Variants in TRDN observed in about 807,000 individuals in gnomAD.
TRDN encodes the protein triadin.
TRDN carries 161 observed loss-of-function variants against 149.7 expected under a neutral mutation model. The observed-to-expected ratio is 1.08, with a 90% CI of 0.95 to 1.23. The LOEUF is 1.23. TRDN is among the 50% of genes most tolerant of loss of function. The pLI is 0.00. For synonymous variants in TRDN, 294 were observed against 250.5 expected, an observed-to-expected ratio of 1.17 and a Z score of -1.64; for missense variants, 896 against 823.5, an observed-to-expected ratio of 1.09 and a Z score of -1.08.
intron 1 of TRDN, among the ~76,000 whole-genome samples, chr6:123,628,410 T>C (rs1485756149): frequency 6.6e-6 from 1 of 152,110 alleles, no homozygotes; most frequent in Non-Finnish European, 1.5e-5. Flanking sequence ...CCATCTTATA[T>C]AGGGGCAGCT....
At chr6:123,246,084 A>AG (rs1776165077) in intron 38 of TRDN, among the ~76,000 whole-genome samples, 2 of 152,142 alleles carry the variant, frequency 1.3e-5, no homozygotes, top group Non-Finnish European at 2.9e-5. Context: ...ACACAGATAA[A>AG]GCAGTGTTTA....
chr6:123,587,593 C>G (rs1166219951), intron 1 of TRDN, among the ~76,000 whole-genome samples: 3 of 152,050 alleles, frequency 2.0e-5, no homozygotes, highest in African/African-American at 4.8e-5. Context: ...TGATCTGAGT[C>G]GCGGCACCAA....
intron 9 of TRDN, among the ~76,000 whole-genome samples, chr6:123,494,017 C>G (rs1289472547): frequency 1.3e-5 from 2 of 152,154 alleles, no homozygotes; most frequent in Non-Finnish European, 2.9e-5. Context: ...TTCCTTCTCT[C>G]CCTTCTTCCT....
At chr6:123,348,826 T>C (rs1780350096) in intron 21 of TRDN, among the ~76,000 whole-genome samples, 1 of 152,104 alleles carries the variant, frequency 6.6e-6, no homozygotes. Context: ...ATTTCTTTTA[T>C]ATAATCTTGT....
intron 18 of TRDN, 95 bp downstream of exon 18, chr6:123,377,621 C>G (rs915616605): frequency 7.0e-7 from 1 of 1,433,784 alleles, no homozygotes; most frequent in African/African-American, 1.4e-5. Context: ...ATTCCCCACC[C>G]TTTACTGGCG....
intron 24 of TRDN, among the ~76,000 whole-genome samples, chr6:123,290,943 G>A (rs979193477): frequency 1.3e-5 from 2 of 151,878 alleles, no homozygotes; most frequent in African/African-American, 4.8e-5. Context: ...GATCACTTAA[G>A]GTCAGGAGTT....
chr6:123,503,433 T>G (rs1379469217), intron 8 of TRDN: 2 of 985,314 alleles, frequency 2.0e-6, no homozygotes, highest in East Asian at 2.3e-4. Context: ...ATCTCAAAAA[T>G]TCAACATTTA....
intron 1 of TRDN, among the ~76,000 whole-genome samples, chr6:123,608,692 T>G (rs1583317838): frequency 6.6e-6 from 1 of 152,212 alleles, no homozygotes; most frequent in East Asian, 1.9e-4. Flanking sequence ...GGAAAAGGTA[T>G]GAAGAAATGA....
At chr6:123,314,489 C>T (rs1430647259) in intron 24 of TRDN, among the ~76,000 whole-genome samples, 1 of 151,946 alleles carries the variant, frequency 6.6e-6, no homozygotes, top group Admixed American at 6.6e-5. Context: ...AATCTCATCA[C>T]TAGGTATATA....
At chr6:123,512,153 C>A in intron 7 of TRDN, 150 bp downstream of exon 7, 1 of 506,690 alleles carries the variant, frequency 2.0e-6, no homozygotes. Context: ...TTTAATTATT[C>A]TTTTAGATAT....
chr6:123,377,862 T>A lies in TRDN; in HGVS notation c.1219+4A>T. 6.4e-7 allele frequency: 1 copy of A among 1,570,674 alleles called. No homozygotes were observed. Among genetic ancestry groups the A allele is most frequent in the South Asian group, 1.1e-5 (1 of 87,900 alleles). On this transcript the variant is annotated splice_donor_region_variant and intron_variant, in intron 17 of 40. Transcript: ENST00000334268. ...TGAGAACAGAGGAATTTAAAAACAG[T>A]TACCTGGTTCCACATGTTTTTCTTT...
At chr6:123,237,095 T>C (rs1190018168) in intron 38 of TRDN, among the ~76,000 whole-genome samples, 1 of 152,154 alleles carries the variant, frequency 6.6e-6, no homozygotes. Context: ...CCTTGTGGTT[T>C]TCAACATATA....
chr6:123,456,336 TGAGA>T (rs1247370801), intron 10 of TRDN, among the ~76,000 whole-genome samples: 1 of 152,234 alleles, frequency 6.6e-6, no homozygotes, highest in Non-Finnish European at 1.5e-5. Context: ...ATGCACTACA[TGAGA>T]GATTTTACCG....
chr6:123,583,482 C>T (rs1783242852), intron 1 of TRDN, among the ~76,000 whole-genome samples: 1 of 151,684 alleles, frequency 6.6e-6, no homozygotes, highest in African/African-American at 2.4e-5. Context: ...GGTGGCTGAG[C>T]TTGGTGAGGT....
Position 123,224,093 on chromosome 6 carries a change from C to T in TRDN, c.2014G>A (p.Glu672Lys), listed in dbSNP as rs2114505372. The change falls in exon 39 of 41, where the codon GAA becomes AAA. Residue 672 changes from glutamate (E) to lysine (K), a missense_variant and splice_region_variant. Physicochemically the swap from Glu to Lys is moderately conservative, Grantham distance 56. Coordinates refer to ENST00000334268, the MANE Select transcript of TRDN (RefSeq NM_006073.4). The part of the protein sequence containing the change: ...EDVPASKKAK[E>K]GTEDVSPTKQ... ...AATGATCCAAAGACAGCAAACTCAC[C>T]TTTAGCTTTCTTTGAAGCTGGTACA... The T allele has an allele frequency of 6.2e-7, 1 of 1,609,932 alleles. No homozygotes were observed. The highest frequency in any genetic ancestry group is 8.5e-7 in the Non-Finnish European group (1 of 1,177,712).
At chr6:123,537,569 CCTCCTCATGAGGCCGTTTA>C (rs1366407065) in intron 4 of TRDN, among the ~76,000 whole-genome samples, 5 of 152,172 alleles carry the variant, frequency 3.3e-5, no homozygotes, top group African/African-American at 9.7e-5. Context: ...AGTTTTTCTT[CCTCCTCATGAGGCCGTTTA>C]ATTCTGTCAA....
chr6:123,311,355 G>A (rs529901600), intron 24 of TRDN, among the ~76,000 whole-genome samples: 1 of 152,056 alleles, frequency 6.6e-6, no homozygotes, highest in South Asian at 2.1e-4. Context: ...AACACATGAG[G>A]ATTATGGGGA....
intron 38 of TRDN, among the ~76,000 whole-genome samples, chr6:123,248,556 CA>C (rs898257868): frequency 6.6e-6 from 1 of 150,810 alleles, no homozygotes. Flanking sequence ...GACTCCATCT[CA>C]AAAAAAATAA....
At chr6:123,289,390 G>C (rs1191435077) in intron 24 of TRDN, among the ~76,000 whole-genome samples, 1 of 151,894 alleles carries the variant, frequency 6.6e-6, no homozygotes, top group Non-Finnish European at 1.5e-5. Context: ...TTAAACTGGA[G>C]GAATAAGTTT....
Sources: gnomAD v4.1 joint callset for allele counts (sites outside exome capture counted in the v4.1 genomes callset) on GRCh38, gnomAD v4.1.1 for gene constraint, MANE v1.5 for transcripts, NCBI Gene and HGNC (gene_info 2026-07-23, HGNC 2026-07-21) for gene names.